GNAQ: variants seen among roughly 807,000 people sequenced by gnomAD.
GNAQ encodes the protein G protein subunit alpha q.
GNAQ carries 8 observed loss-of-function variants against 43.9 expected under a neutral mutation model. That is an observed-to-expected ratio of 0.18 (90% confidence interval 0.11 to 0.33). The LOEUF (loss-of-function observed/expected upper bound fraction) is 0.33, where lower values mean the gene tolerates loss of function less well. Ranked by LOEUF, GNAQ falls within the 10% of genes least tolerant of loss-of-function variation. The pLI is 1.00. For missense variants in GNAQ, 158 were observed against 450.8 expected (o/e 0.35, Z 5.88); for synonymous variants, 155 against 170.7 (o/e 0.91, Z 0.71).
chr9:77,790,496 T>C (rs910859521), intron 5 of GNAQ, among the ~76,000 whole-genome samples: 3 of 152,224 alleles, frequency 2.0e-5, no homozygotes, highest in Non-Finnish European at 4.4e-5. Flanking sequence ...TTTAGACTAA[T>C]TGTTTAAAGA....
intron 1 of GNAQ, among the ~76,000 whole-genome samples, chr9:77,923,465 A>G (rs554969740): frequency 6.6e-6 from 1 of 152,314 alleles, no homozygotes; most frequent in South Asian, 2.1e-4. Context: ...GACAAGACAG[A>G]AAAATGGGAT....
intron 2 of GNAQ, 107 bp from the exon 3 acceptor site, chr9:77,815,877 T>C: frequency 1.5e-6 from 1 of 684,610 alleles, no homozygotes; most frequent in South Asian, 2.1e-5. Flanking sequence ...CTTCATATAC[T>C]GGTCTTTACA....
At chr9:77,729,916 A>G (rs1372888512) in intron 5 of GNAQ, among the ~76,000 whole-genome samples, 1 of 152,164 alleles carries the variant, frequency 6.6e-6, no homozygotes, top group African/African-American at 2.4e-5. Context: ...TATGGTAATT[A>G]GTTTAGCCAA....
intron 3 of GNAQ, among the ~76,000 whole-genome samples, chr9:77,803,072 G>A (rs1047607092): frequency 1.6e-4 from 25 of 152,112 alleles, no homozygotes; most frequent in African/African-American, 4.6e-4. Flanking sequence ...CTGGAGCACA[G>A]CAGGTGCTCA....
intron 2 of GNAQ, among the ~76,000 whole-genome samples, chr9:77,870,613 C>A (rs1310173533): frequency 6.6e-6 from 1 of 151,888 alleles, no homozygotes; most frequent in Non-Finnish European, 1.5e-5. Flanking sequence ...GCTTGAGCCA[C>A]CGCGCCCCGC....
chr9:77,734,488 G>C (rs1005042087), intron 5 of GNAQ, among the ~76,000 whole-genome samples: 2 of 145,472 alleles, frequency 1.4e-5, no homozygotes, highest in Non-Finnish European at 3.1e-5. Flanking sequence ...AATGTCATGA[G>C]GGCATTCATA....
At chr9:77,791,233 G>A (rs769781091) in intron 5 of GNAQ, among the ~76,000 whole-genome samples, 2 of 152,182 alleles carry the variant, frequency 1.3e-5, no homozygotes, top group Non-Finnish European at 2.9e-5. Context: ...TTGAGACAAT[G>A]TCTGAGAAAA....
intron 5 of GNAQ, among the ~76,000 whole-genome samples, chr9:77,734,315 C>T (rs1391620716): frequency 6.6e-6 from 1 of 152,178 alleles, no homozygotes; most frequent in African/African-American, 2.4e-5. Context: ...GACTAAGATC[C>T]TCAATTCTTT....
intron 2 of GNAQ, among the ~76,000 whole-genome samples, chr9:77,855,794 A>G (rs749345506): frequency 3.3e-5 from 5 of 152,190 alleles, no homozygotes; most frequent in Non-Finnish European, 5.9e-5. Context: ...ATTTGCTATA[A>G]AAGTCATGAC....
At chr9:77,845,971 A>C (rs1190399180) in intron 2 of GNAQ, among the ~76,000 whole-genome samples, 2 of 152,220 alleles carry the variant, frequency 1.3e-5, no homozygotes, top group Non-Finnish European at 2.9e-5. Flanking sequence ...AGAGAGAGTC[A>C]GAGGTAGGCC....
chr9:77,796,211 T>C (rs528288147), intron 4 of GNAQ, among the ~76,000 whole-genome samples: 89 of 152,286 alleles, frequency 5.8e-4, no homozygotes, highest in African/African-American at 2.0e-3. Context: ...CAATATCTAT[T>C]AGAACAATGT....
At position 77,815,780 on chromosome 9, in the gene GNAQ, T is replaced by C. The variant is rs968162008; in HGVS notation, c.322-10A>G. On this transcript the variant is annotated splice_polypyrimidine_tract_variant and intron_variant, in intron 2 of 6. Transcript: ENST00000286548. ...CTAATTGTGCATGAGCCTGTTTAAA[T>C]AAAAAAAGGCAGTTTTAATACCCTA... The C allele has an allele frequency of 6.9e-6, 11 of 1,601,866 alleles. No homozygotes were observed. The Admixed American group carries it at 1.4e-4, about 20-fold the overall frequency.
chr9:77,949,440 T>A (rs1007669617), intron 1 of GNAQ, among the ~76,000 whole-genome samples: 1 of 152,192 alleles, frequency 6.6e-6, no homozygotes, highest in South Asian at 2.1e-4. Flanking sequence ...GGCTTTGGAA[T>A]ACTCCTGGGG....
intron 2 of GNAQ, among the ~76,000 whole-genome samples, chr9:77,898,659 G>C (rs1458117443): frequency 6.6e-6 from 1 of 151,968 alleles, no homozygotes; most frequent in Non-Finnish European, 1.5e-5. Flanking sequence ...ACAGATGGAA[G>C]AACAAGTGAA....
intron 2 of GNAQ, among the ~76,000 whole-genome samples, chr9:77,875,740 A>G (rs766032425): frequency 3.3e-5 from 5 of 152,256 alleles, no homozygotes; most frequent in Non-Finnish European, 7.3e-5. Flanking sequence ...GCTCAAAGTC[A>G]GTGACATAAC....
intron 3 of GNAQ, among the ~76,000 whole-genome samples, chr9:77,813,683 G>GGGGA (rs1826964584): frequency 6.6e-6 from 1 of 152,082 alleles, no homozygotes; most frequent in African/African-American, 2.4e-5. Flanking sequence ...AAACCCTAAG[G>GGGGA]GGGAGACGTA....
Position 77,767,366 on chromosome 9 carries a change from C to T in GNAQ, c.735+27097G>A, listed in dbSNP as rs934189861. Among the ~76,000 whole-genome samples, 3 of 152,046 alleles carry T rather than the reference C, an allele frequency of 2.0e-5. No individual in the cohort carries two copies. The South Asian group carries it at 6.2e-4, about 32-fold the overall frequency. On this transcript the variant is annotated intron_variant, in intron 5 of 6. Transcript: ENST00000286548. ...CCAAATGTCTCCACACATTGAGGGG[C>T]AGGATGGGGGGACAAATTAGCCTCC...
chr9:77,843,048 C>T (rs1245360149), intron 2 of GNAQ, among the ~76,000 whole-genome samples: 1 of 152,160 alleles, frequency 6.6e-6, no homozygotes, highest in East Asian at 1.9e-4. Context: ...TATGCGTAAT[C>T]TGATTGTATT....
At chr9:77,940,938 T>C (rs980296231) in intron 1 of GNAQ, among the ~76,000 whole-genome samples, 5 of 151,158 alleles carry the variant, frequency 3.3e-5, no homozygotes, top group African/African-American at 1.2e-4. Flanking sequence ...CACTCCAGCC[T>C]GGGCGACAGA....
Sources: gnomAD v4.1 joint callset for allele counts (sites outside exome capture counted in the v4.1 genomes callset) on GRCh38, gnomAD v4.1.1 for gene constraint, MANE v1.5 for transcripts, NCBI Gene and HGNC (gene_info 2026-07-23, HGNC 2026-07-21) for gene names.